The following OTOGL variants were observed in gnomAD, a reference collection of about 807,000 sequenced individuals.
OTOGL encodes otogelin-like protein.
OTOGL carries 285 observed loss-of-function variants against 318.5 expected under a neutral mutation model. The observed-to-expected ratio is 0.89, with a 90% confidence interval of 0.81 to 0.99. OTOGL has a LOEUF of 0.99. Ranked by LOEUF, OTOGL falls within the 50% of genes least tolerant of loss-of-function variation. OTOGL has a pLI of 0.00. For synonymous variants in OTOGL, 987 were observed against 936.5 expected, an observed-to-expected ratio of 1.05 and a Z score of -0.99; for missense variants, 2,899 against 2,845.6, an observed-to-expected ratio of 1.02 and a Z score of -0.43.
chr12:80,224,092 G>A (rs148142341), intron 7 of OTOGL, among the ~76,000 whole-genome samples: 97 of 152,236 alleles, frequency 6.4e-4, no homozygotes, highest in African/African-American at 2.2e-3. Context: ...TCCATCTTGA[G>A]TTGATTTTTG....
chr12:80,324,041 A>G (rs1357896215), intron 35 of OTOGL, among the ~76,000 whole-genome samples: 2 of 152,230 alleles, frequency 1.3e-5, no homozygotes, highest in African/African-American at 2.4e-5. Context: ...TGCTGGGGAG[A>G]CAGTACTGAA....
chr12:80,277,595 A>T (rs1477345331), intron 24 of OTOGL, among the ~76,000 whole-genome samples: 1 of 151,340 alleles, frequency 6.6e-6, no homozygotes, highest in Non-Finnish European at 1.5e-5. Context: ...CTTGAAGGAA[A>T]ACCAACATTC....
rs1319087404 is a variant in OTOGL at position 80,378,985 on chromosome 12, G to C, written c.*937G>C. The C allele has an allele frequency of 6.6e-6, 1 of 152,336 alleles. No individual in the cohort carries two copies. The highest frequency in any genetic ancestry group is 1.5e-5 in the Non-Finnish European group (1 of 67,896). The allele number at this position is 152,336 out of a possible 1,614,324, so 9.4% of individuals were successfully genotyped here. On this transcript the variant is annotated 3_prime_UTR_variant, in exon 59 of 59. Coordinates refer to ENST00000547103, the MANE Select transcript of OTOGL (RefSeq NM_001378609.3). ...TACTGTCTCATTAATATTTAATTTT[G>C]AGGATGTACTTGCATACTGTTGAAG...
At chr12:80,143,914 T>C (rs909186564) in intron 1 of OTOGL, among the ~76,000 whole-genome samples, 3 of 152,146 alleles carry the variant, frequency 2.0e-5, no homozygotes, top group Non-Finnish European at 2.9e-5. Context: ...AGTTCTTCCA[T>C]GCTAAAAGAG....
chr12:80,163,459 G>T (rs941977305), intron 1 of OTOGL, among the ~76,000 whole-genome samples: 1 of 152,106 alleles, frequency 6.6e-6, no homozygotes, highest in Non-Finnish European at 1.5e-5. Flanking sequence ...TGTTCAAGCA[G>T]ATCAACGTTT....
chr12:80,232,064 A>G (rs575593335), intron 8 of OTOGL, among the ~76,000 whole-genome samples: 12 of 152,346 alleles, frequency 7.9e-5, no homozygotes, highest in Non-Finnish European at 1.3e-4. Flanking sequence ...GTGCTTTTAA[A>G]ATATTCAATT....
At chr12:80,347,758 C>A (rs1039208973) in intron 44 of OTOGL, among the ~76,000 whole-genome samples, 29 of 152,112 alleles carry the variant, frequency 1.9e-4, no homozygotes, top group African/African-American at 7.0e-4. Flanking sequence ...ACATGTTCCT[C>A]TTTCTCCACA....
At chr12:80,205,325 C>G (rs543369610) in intron 1 of OTOGL, among the ~76,000 whole-genome samples, 1 of 152,214 alleles carries the variant, frequency 6.6e-6, no homozygotes, top group East Asian at 1.9e-4. Flanking sequence ...TTCAAGGTAT[C>G]AATTAGATAT....
intron 35 of OTOGL, among the ~76,000 whole-genome samples, chr12:80,324,396 C>T (rs1279979411): frequency 6.6e-6 from 1 of 152,042 alleles, no homozygotes; most frequent in Non-Finnish European, 1.5e-5. Flanking sequence ...CGAGGATCAG[C>T]AAGGAGGTCA....
chr12:80,144,323 G>T (rs1424659979), intron 1 of OTOGL, among the ~76,000 whole-genome samples: 1 of 151,014 alleles, frequency 6.6e-6, no homozygotes, highest in African/African-American at 2.4e-5. Flanking sequence ...TTTTGTTCTT[G>T]CGATAGTTTA....
chr12:80,123,739 G>A (rs1029676595), intron 1 of OTOGL, among the ~76,000 whole-genome samples: 3 of 152,226 alleles, frequency 2.0e-5, no homozygotes, highest in South Asian at 2.1e-4. Context: ...TCTAACTGGT[G>A]TGAGATGGTA....
chr12:80,210,761 G>A, intron 2 of OTOGL, 86 bp from the exon 3 acceptor site: 3 of 993,034 alleles, frequency 3.0e-6, no homozygotes, highest in Non-Finnish European at 4.2e-6. Context: ...TAGAATTTAG[G>A]TTAAAATGTT....
intron 11 of OTOGL, among the ~76,000 whole-genome samples, chr12:80,247,894 A>G (rs1353222099): frequency 1.1e-5 from 1 of 94,486 alleles, no homozygotes; most frequent in Non-Finnish European, 2.0e-5. Flanking sequence ...CCTCTTGTTG[A>G]ATTGATCCCT....
At chr12:80,272,342 ATGTGTGTGTGTG>A (rs56364698) in intron 24 of OTOGL, among the ~76,000 whole-genome samples, 78,031 of 145,452 alleles carry the variant, frequency 0.54, 22,077 homozygotes, top group East Asian at 0.7. Flanking sequence ...AGGCATTGTG[ATGTGTGTGTGTG>A]TGTGTGTGTG....
chr12:80,221,355 C>G (rs1878315792), intron 6 of OTOGL, among the ~76,000 whole-genome samples: 1 of 151,584 alleles, frequency 6.6e-6, no homozygotes, highest in Non-Finnish European at 1.5e-5. Flanking sequence ...ACCTCCGCCT[C>G]CTGGGTTCAA....
intron 18 of OTOGL, among the ~76,000 whole-genome samples, chr12:80,260,780 C>T (rs980230318): frequency 1.3e-5 from 2 of 151,932 alleles, no homozygotes; most frequent in Non-Finnish European, 2.9e-5. Context: ...AATAAGAGAG[C>T]CAAGCTCTAA....
At chr12:80,146,858 A>G (rs1355461320) in intron 1 of OTOGL, among the ~76,000 whole-genome samples, 1 of 151,994 alleles carries the variant, frequency 6.6e-6, no homozygotes, top group Non-Finnish European at 1.5e-5. Flanking sequence ...AGGTGTTTGT[A>G]GTATTCTCTG....
chr12:80,341,988 A>G lies in OTOGL; in HGVS notation c.5091A>G (p.Gln1697=). The G allele has an allele frequency of 1.2e-6, 2 of 1,609,312 alleles. No individual in the cohort carries two copies. Among genetic ancestry groups the G allele is most frequent in the South Asian group, 2.2e-5 (2 of 89,952 alleles). ...NEDPDDDLRM[Q]NGTIITNMED... is the part of the protein sequence containing the mutation. Reference sequence around the variant, plus strand: ...ATCCGGATGATGATCTAAGGATGCAAAATGGCACAATTATTACAAATATGG... The same window carrying G: ...ATCCGGATGATGATCTAAGGATGCAGAATGGCACAATTATTACAAATATGG... The change falls in exon 44 of 59, where the codon CAA becomes CAG. Residue 1697 remains glutamine, a synonymous_variant. Transcript: ENST00000547103.
At chr12:80,109,978 T>C (rs574885729) in intron 1 of OTOGL, among the ~76,000 whole-genome samples, 36 of 152,208 alleles carry the variant, frequency 2.4e-4, no homozygotes, top group Non-Finnish European at 4.3e-4. Context: ...GTGCAGAACA[T>C]GCAGGTTTGT....
Sources: gnomAD v4.1 joint callset for allele counts (sites outside exome capture counted in the v4.1 genomes callset) on GRCh38, gnomAD v4.1.1 for gene constraint, MANE v1.5 for transcripts, NCBI Gene and HGNC (gene_info 2026-07-23, HGNC 2026-07-21) for gene names.